Variants in EXOC6B observed in about 807,000 individuals in gnomAD.
EXOC6B encodes SEC15 homolog B.
In EXOC6B, 54 loss-of-function variants were observed where a neutral mutation model predicts 113.5. The ratio of observed to expected loss-of-function variants is 0.48; its 90% CI spans 0.38 to 0.60. EXOC6B has a LOEUF of 0.60. Among genes scored for constraint, EXOC6B ranks in the 20% least tolerant of loss-of-function variants. The probability of loss-of-function intolerance (pLI) is 0.00; values close to 1 mark genes in which losing one functional copy is unlikely to be tolerated. For synonymous variants in EXOC6B, 357 were observed against 339.0 expected (o/e 1.05, Z -0.58); for missense variants, 797 against 977.5 (o/e 0.82, Z 2.46).
At chr2:72,303,674 T>A (rs1475518989) in intron 20 of EXOC6B, among the ~76,000 whole-genome samples, 1 of 152,218 alleles carries the variant, frequency 6.6e-6, no homozygotes, top group Non-Finnish European at 1.5e-5. Flanking sequence ...TATTCTGAAT[T>A]CTATTTCTGT....
rs114175951 is a variant in EXOC6B, at chr2:72,353,817, C to T, written c.2123-18797G>A. ...GTTTTACCAAGTCTGGAACCAGGGT[C>T]AAGTGATATGAAAATAGTAATAACC... On this transcript the variant is annotated intron_variant, in intron 19 of 21. Transcript: ENST00000272427. Among the ~76,000 whole-genome samples the T allele has an allele frequency of 6.7e-3, 1,023 of 152,148 alleles. 12 individuals carry two copies. Among genetic ancestry groups the T allele is most frequent in the African/African-American group, 0.023 (953 of 41,494 alleles).
chr2:72,686,112 C>G (rs1558917371), intron 6 of EXOC6B, among the ~76,000 whole-genome samples: 2 of 152,056 alleles, frequency 1.3e-5, no homozygotes, highest in Non-Finnish European at 2.9e-5. Flanking sequence ...TGATAATTCC[C>G]TTTTTTTTCC....
chr2:72,666,824 A>ACACACACAC (rs376270262), intron 6 of EXOC6B, among the ~76,000 whole-genome samples: 138 of 135,328 alleles, frequency 1.0e-3, no homozygotes, highest in East Asian at 4.0e-3. Context: ...CACACACACA[A>ACACACACAC]AGAAATGCCT....
intron 1 of EXOC6B, among the ~76,000 whole-genome samples, chr2:72,810,336 AAAAT>A (rs150111513): frequency 0.55 from 77,328 of 140,032 alleles, 22,696 homozygotes; most frequent in East Asian, 0.83. Flanking sequence ...CCTTGTCTCT[AAAAT>A]AAATAAATAA....
intron 20 of EXOC6B, among the ~76,000 whole-genome samples, chr2:72,292,896 T>C (rs1461412229): frequency 1.3e-5 from 2 of 152,170 alleles, no homozygotes; most frequent in Admixed American, 6.5e-5. Context: ...TAGTATTCTA[T>C]TGTACAGATG....
chr2:72,258,123 G>A (rs150513445), intron 20 of EXOC6B, among the ~76,000 whole-genome samples: 316 of 152,148 alleles, frequency 2.1e-3, no homozygotes, highest in Middle Eastern at 6.8e-3. Flanking sequence ...CACCATTCTC[G>A]CAACTATTTC....
At chr2:72,273,681 A>T (rs1684644806) in intron 20 of EXOC6B, among the ~76,000 whole-genome samples, 1 of 152,124 alleles carries the variant, frequency 6.6e-6, no homozygotes, top group Non-Finnish European at 1.5e-5. Context: ...ATGTGGATAT[A>T]CCAAGAGAAT....
intron 18 of EXOC6B, among the ~76,000 whole-genome samples, chr2:72,452,970 C>A (rs371127755): frequency 1.6e-4 from 24 of 152,248 alleles, no homozygotes; most frequent in Admixed American, 1.0e-3. Context: ...TCTCAGTCCC[C>A]TTGCCTAGAA....
chr2:72,729,014 AT>A (rs1680475817), intron 5 of EXOC6B, among the ~76,000 whole-genome samples: 5 of 152,178 alleles, frequency 3.3e-5, no homozygotes. Context: ...TCACAGCTGT[AT>A]CCCCAGAACC....
intron 20 of EXOC6B, among the ~76,000 whole-genome samples, chr2:72,243,315 A>T (rs1233190299): frequency 6.6e-6 from 1 of 152,182 alleles, no homozygotes; most frequent in East Asian, 1.9e-4. Flanking sequence ...ATGGCACTAT[A>T]CACAATAGCA....
rs1693259267 is a variant in EXOC6B, at chr2:72,401,589, A to ACG, written c.1981-21720_1981-21719insCG. 2.6e-4 allele frequency among the ~76,000 whole-genome samples: 11 copies of ACG among 42,636 alleles called. 1 individual carries two copies. In the African/African-American group the frequency reaches 3.0e-3, roughly 12 times the overall value. 28.0% of individuals were successfully genotyped at this position (42,636 alleles called of 152,430 possible). On this transcript the variant is annotated intron_variant, in intron 18 of 21. Transcript: ENST00000272427. ...TACATATATATATATATACATATATATATATATATATATGTGTATATATAT... is the reference window on the plus strand; with the variant it reads ...TACATATATATATATATACATATATACGTATATATATATATGTGTATATATAT...
intron 18 of EXOC6B, among the ~76,000 whole-genome samples, chr2:72,387,252 G>A (rs903619478): frequency 6.6e-6 from 1 of 152,056 alleles, no homozygotes; most frequent in Non-Finnish European, 1.5e-5. Flanking sequence ...TTGTGTAGAA[G>A]ATTTTGAGTC....
Position 72,399,439 on chromosome 2 carries a change from T to C in EXOC6B, c.1981-19569A>G, listed in dbSNP as rs1692993877. Among the ~76,000 whole-genome samples the C allele has an allele frequency of 3.9e-5, 6 of 152,164 alleles. No individual in the cohort carries two copies. In the South Asian group the frequency reaches 1.0e-3, roughly 26 times the overall value. ...AGGCAAGAGGAAGAAATAAAAAGTA[T>C]CCAAACAGGCAAAGAAGAAGTCAAA... is the stretch of plus-strand genomic sequence containing the variant. On this transcript the variant is annotated intron_variant, in intron 18 of 21. Coordinates refer to ENST00000272427, the MANE Select transcript of EXOC6B (RefSeq NM_015189.3).
rs575861288 is a variant in EXOC6B at position 72,573,249 on chromosome 2, G to T, written c.846+2243C>A. 7.2e-5 allele frequency among the ~76,000 whole-genome samples: 11 copies of T among 152,236 alleles called. No individual in the cohort carries two copies. The East Asian group carries it at 9.6e-4, about 13-fold the overall frequency. ...TCATCTAACCATCTCTTCAGGTACTGTATTATCCAAGGGCACAGACTATGT... is the reference window on the plus strand; with the variant it reads ...TCATCTAACCATCTCTTCAGGTACTTTATTATCCAAGGGCACAGACTATGT... On this transcript the variant is annotated intron_variant, in intron 7 of 21. Transcript: ENST00000272427.
chr2:72,354,789 T>G (rs1376622052), intron 19 of EXOC6B, among the ~76,000 whole-genome samples: 1 of 152,178 alleles, frequency 6.6e-6, no homozygotes, highest in African/African-American at 2.4e-5. Context: ...GAAAGGCATA[T>G]CATAAAAGCA....
At chr2:72,409,234 T>A (rs1218870845) in intron 18 of EXOC6B, among the ~76,000 whole-genome samples, 1 of 152,202 alleles carries the variant, frequency 6.6e-6, no homozygotes, top group African/African-American at 2.4e-5. Flanking sequence ...CTAGAGAGGA[T>A]GTGGAGATAC....
intron 1 of EXOC6B, among the ~76,000 whole-genome samples, chr2:72,764,150 A>G (rs1682915880): frequency 6.6e-6 from 1 of 151,968 alleles, no homozygotes; most frequent in Non-Finnish European, 1.5e-5. Flanking sequence ...GATATTGTCT[A>G]TTTCCTACTA....
chr2:72,492,312 G>T lies in EXOC6B; in HGVS notation c.1665+6C>A, dbSNP rs181182127. ...GCTCGGCTGCCTTCATTAGGAGCAGGTTTACCTCAGTAAGCCCAATATTCT... is the reference window on the plus strand; with the variant it reads ...GCTCGGCTGCCTTCATTAGGAGCAGTTTTACCTCAGTAAGCCCAATATTCT... On this transcript the variant is annotated splice_donor_region_variant and intron_variant, in intron 16 of 21. Transcript: ENST00000272427. The T allele has an allele frequency of 1.3e-6, 2 of 1,589,864 alleles. No homozygotes were observed. The highest frequency in any genetic ancestry group is 1.7e-6 in the Non-Finnish European group (2 of 1,158,674).
At chr2:72,491,271 T>C (rs1558725076) in intron 16 of EXOC6B, among the ~76,000 whole-genome samples, 1 of 152,096 alleles carries the variant, frequency 6.6e-6, no homozygotes. Flanking sequence ...ACTCAATCAC[T>C]TCCAATGTCC....
Sources: allele counts gnomAD v4.1 joint callset (sites outside exome capture counted in the v4.1 genomes callset), GRCh38; gene constraint gnomAD v4.1.1; transcripts MANE v1.5; gene names NCBI Gene and HGNC (gene_info 2026-07-23, HGNC 2026-07-21).